MARVELD2: variants seen among roughly 807,000 people sequenced by gnomAD.
MARVELD2 encodes the protein MARVEL domain-containing protein 2.
In MARVELD2, 49 loss-of-function variants were observed where a neutral mutation model predicts 57.6. The observed-to-expected ratio is 0.85, with a 90% CI of 0.68 to 1.08. The LOEUF (loss-of-function observed/expected upper bound fraction) is 1.08. MARVELD2 is among the 50% of genes least tolerant of loss of function. MARVELD2 has a pLI of 0.00. For missense variants in MARVELD2, 606 were observed against 701.1 expected (o/e 0.86, Z 1.53); for synonymous variants, 238 against 258.8 (o/e 0.92, Z 0.77).
intron 1 of MARVELD2, among the ~76,000 whole-genome samples, chr5:69,416,657 G>A (rs1340372048): frequency 6.6e-6 from 1 of 152,192 alleles, no homozygotes; most frequent in Non-Finnish European, 1.5e-5. Context: ...GCCATAAATC[G>A]ATAAGTGTAG....
At chr5:69,434,144 G>T (rs567538229) in intron 5 of MARVELD2, among the ~76,000 whole-genome samples, 2 of 151,988 alleles carry the variant, frequency 1.3e-5, no homozygotes, top group Non-Finnish European at 2.9e-5. Context: ...CAGGCCCAAA[G>T]GCAGAGCGCC....
chr5:69,424,898 G>A (rs180800573), intron 3 of MARVELD2, among the ~76,000 whole-genome samples: 4 of 152,074 alleles, frequency 2.6e-5, no homozygotes, highest in Non-Finnish European at 4.4e-5. Flanking sequence ...GGTGGCACAC[G>A]CCTGTAATCC....
At position 69,424,623 on chromosome 5, in the gene MARVELD2, C is replaced by A. The variant is rs751782411; in HGVS notation, c.1169C>A (p.Ser390Ter). The change falls in exon 3 of 7, where the codon TCG becomes TAG. Residue 390 changes from serine to a stop codon, truncating the protein, a stop_gained. Transcript: ENST00000325631. LOFTEE classifies it high-confidence loss of function. Reference protein sequence around the residue: ...QQEINEPSLSSKRKMCEMATS... With the variant: ...QQEINEPSLS ...CAGATAAATGAGCCATCATTGTCAT[C>A]GAAAAGGAAAATGGTAAGAATAAAG... is the stretch of plus-strand genomic sequence containing the variant. The A allele has an allele frequency of 6.2e-7, 1 of 1,602,536 alleles. No individual in the cohort carries two copies. The highest frequency in any genetic ancestry group is 1.1e-5 in the South Asian group (1 of 90,888).
chr5:69,434,161 G>A (rs1224855604), intron 5 of MARVELD2, among the ~76,000 whole-genome samples: 1 of 152,036 alleles, frequency 6.6e-6, no homozygotes, highest in Non-Finnish European at 1.5e-5. Context: ...CGCCCACTGA[G>A]TAAGAGTAGA....
chr5:69,418,056 TATGA>T (rs1249925934), intron 1 of MARVELD2, among the ~76,000 whole-genome samples: 1 of 152,072 alleles, frequency 6.6e-6, no homozygotes, highest in Admixed American at 6.6e-5. Context: ...TGCAGTGAGC[TATGA>T]TTGTGCTCCT....
At chr5:69,441,419 T>C in intron 6 of MARVELD2, 113 bp from the exon 7 acceptor site, 1 of 1,224,752 alleles carries the variant, frequency 8.2e-7, no homozygotes, top group Non-Finnish European at 1.2e-6. Flanking sequence ...GAGTTCAGAA[T>C]CTGCTGTAGA....
rs554046486 is a variant in MARVELD2 at position 69,424,481 on chromosome 5, C to T, written c.1147-120C>T. The stretch of plus-strand genomic sequence containing the variant: ...AGGCAAAAAAAGGATGAGAAACACC[C>T]GTCAAGTAGAGGATCAACCTCTTAA... On this transcript the variant is annotated intron_variant, in intron 2 of 6. Coordinates refer to ENST00000325631, the MANE Select transcript of MARVELD2 (RefSeq NM_001038603.3). The T allele has an allele frequency of 1.1e-4, 91 of 796,234 alleles. 1 individual carries two copies. In the South Asian group the frequency reaches 1.2e-3, roughly 10 times the overall value. The allele number at this position is 796,234 out of a possible 1,614,324, so 49.3% of individuals were successfully genotyped here.
chr5:69,425,531 G>C (rs959702969), intron 3 of MARVELD2, among the ~76,000 whole-genome samples: 8 of 150,776 alleles, frequency 5.3e-5, no homozygotes, highest in Admixed American at 4.0e-4. Context: ...TTTTAATTTT[G>C]TTAGATGAAA....
At position 69,420,174 on chromosome 5, in the gene MARVELD2, TTGGATCACCACCATTATTATTC is replaced by T. The variant is rs1398345807; in HGVS notation, c.793_814del (p.Ile265PhefsTer20). ...TTGTACTCGTGGTTGCTGGATTAGC[TTGGATCACCACCATTATTATTC>T]TGGTTCTTGGCATGTCCATGTATTA... is the stretch of plus-strand genomic sequence containing the variant. On this transcript the variant is annotated frameshift_variant, in exon 2 of 7. Transcript: ENST00000325631. LOFTEE classifies it high-confidence loss of function. 6.2e-7 allele frequency: 1 copy of T among 1,614,218 alleles called. No homozygotes were observed. Among genetic ancestry groups the T allele is most frequent in the South Asian group, 1.1e-5 (1 of 91,082 alleles).
intron 3 of MARVELD2, among the ~76,000 whole-genome samples, chr5:69,430,605 C>T (rs968641970): frequency 6.6e-6 from 1 of 151,948 alleles, no homozygotes; most frequent in African/African-American, 2.4e-5. Flanking sequence ...ACAATCTCAG[C>T]TCCTTGCCAC....
chr5:69,439,720 C>T (rs1215794792), intron 5 of MARVELD2, among the ~76,000 whole-genome samples: 3 of 151,740 alleles, frequency 2.0e-5, no homozygotes, highest in South Asian at 4.2e-4. Flanking sequence ...CGCCACTGTA[C>T]TCCAGCCTGG....
Position 69,424,200 on chromosome 5 carries a change from C to T in MARVELD2, c.1147-401C>T, listed in dbSNP as rs547622380. The stretch of plus-strand genomic sequence containing the variant: ...ATGTTGAAAGTTGTGCCTGTCTGTA[C>T]GTTGCTATAACTTCCTAAAGGTTAG... On this transcript the variant is annotated intron_variant, in intron 2 of 6. Coordinates refer to ENST00000325631, the MANE Select transcript of MARVELD2 (RefSeq NM_001038603.3). 9.2e-5 allele frequency among the ~76,000 whole-genome samples: 14 copies of T among 152,242 alleles called. 1 individual carries two copies. The South Asian group carries it at 1.0e-3, about 11-fold the overall frequency.
chr5:69,437,336 G>C (rs1420534876), intron 5 of MARVELD2, among the ~76,000 whole-genome samples: 1 of 147,188 alleles, frequency 6.8e-6, no homozygotes, highest in Non-Finnish European at 1.5e-5. Flanking sequence ...TGCCAAGATC[G>C]CGCCATTGCA....
chr5:69,441,804 A>G lies in MARVELD2; in HGVS notation c.*150A>G. On this transcript the variant is annotated 3_prime_UTR_variant, in exon 7 of 7. Transcript: ENST00000325631. ...TTCAAGCAATTCTCCTGTTCAAGCA[A>G]TTAGCCTCCCCAGTAGCTGGGATTA... 3.6e-6 allele frequency: 2 copies of G among 549,858 alleles called. No homozygotes were observed. Among genetic ancestry groups the G allele is most frequent in the Non-Finnish European group, 6.5e-6 (2 of 306,572 alleles). 34.1% of individuals were successfully genotyped at this position (549,858 alleles called of 1,614,324 possible).
chr5:69,427,849 C>T (rs1766842174), intron 3 of MARVELD2, among the ~76,000 whole-genome samples: 1 of 152,182 alleles, frequency 6.6e-6, no homozygotes, highest in African/African-American at 2.4e-5. Context: ...CAGTGGCTCA[C>T]GCCTGTAATC....
At chr5:69,417,807 C>G (rs967163501) in intron 1 of MARVELD2, among the ~76,000 whole-genome samples, 3 of 151,844 alleles carry the variant, frequency 2.0e-5, no homozygotes, top group Non-Finnish European at 2.9e-5. Context: ...GGCGTGGTGG[C>G]GAGCACCTGT....
chr5:69,429,418 G>A (rs1766890020), intron 3 of MARVELD2, among the ~76,000 whole-genome samples: 1 of 152,148 alleles, frequency 6.6e-6, no homozygotes, highest in Admixed American at 6.6e-5. Flanking sequence ...TATTTGCAGT[G>A]AAGTAGGGGC....
chr5:69,429,117 C>T (rs1395589877), intron 3 of MARVELD2, among the ~76,000 whole-genome samples: 1 of 152,078 alleles, frequency 6.6e-6, no homozygotes, highest in Non-Finnish European at 1.5e-5. Flanking sequence ...ATTGGGAGAC[C>T]AAGTGGCGAG....
chr5:69,419,793 C>G lies in MARVELD2; in HGVS notation c.408C>G (p.Pro136=). 1 of 1,614,174 alleles carries G rather than the reference C, an allele frequency of 6.2e-7. No individual in the cohort carries two copies. Among genetic ancestry groups the G allele is most frequent in the Non-Finnish European group, 8.5e-7 (1 of 1,180,036 alleles). The change falls in exon 2 of 7, where the codon CCC becomes CCG. Residue 136 remains proline (P), a synonymous_variant. Transcript: ENST00000325631. ...HRSPLNSCKD[P]YGGSEGTFSS... ...CGCCCCTCAACTCCTGCAAAGATCC[C>G]TACGGAGGGTCAGAAGGAACCTTTA...
Sources: gnomAD v4.1 joint callset for allele counts (sites outside exome capture counted in the v4.1 genomes callset) on GRCh38, gnomAD v4.1.1 for gene constraint, MANE v1.5 for transcripts, NCBI Gene and HGNC (gene_info 2026-07-23, HGNC 2026-07-21) for gene names.